Variants in PRTG observed in about 807,000 individuals in gnomAD.
The protein encoded by PRTG is immunoglobulin superfamily, DCC subclass, member 5.
Under a neutral mutation model 122.5 loss-of-function variants are expected in PRTG, and 67 were observed. That is an observed-to-expected ratio of 0.55 (90% CI 0.45 to 0.67). The LOEUF is 0.67. Among genes scored for constraint, PRTG ranks in the 30% least tolerant of loss-of-function variants. PRTG has a pLI of 0.00. For synonymous variants in PRTG, 554 were observed against 501.1 expected (o/e 1.11, Z -1.41); for missense variants, 1,435 against 1,415.4 (o/e 1.01, Z -0.22).
At chr15:55,642,769 C>A (rs1182209381) in intron 11 of PRTG, among the ~76,000 whole-genome samples, 1 of 152,058 alleles carries the variant, frequency 6.6e-6, no homozygotes, top group Admixed American at 6.6e-5. Flanking sequence ...AAAAATAATT[C>A]TAGAGTGAAT....
At position 55,707,296 on chromosome 15, in the gene PRTG, A is replaced by G. The variant is rs538480361; in HGVS notation, c.398-23365T>C. On this transcript the variant is annotated intron_variant, in intron 2 of 19. Coordinates refer to ENST00000389286, the MANE Select transcript of PRTG (RefSeq NM_173814.6). ...CAAACACCAAGAATGTACCTTCTAT[A>G]GGACAAAATCATGTCTAAACTATAT... Among the ~76,000 whole-genome samples, 38 of 152,364 alleles carry G rather than the reference A, an allele frequency of 2.5e-4. 1 individual carries two copies. In the South Asian group the frequency reaches 7.7e-3, roughly 31 times the overall value.
intron 2 of PRTG, among the ~76,000 whole-genome samples, chr15:55,692,231 T>G (rs2059607285): frequency 6.6e-6 from 1 of 152,182 alleles, no homozygotes; most frequent in East Asian, 1.9e-4. Context: ...ATGTTGACCA[T>G]CAAAAAGCCA....
At position 55,740,439 on chromosome 15, in the gene PRTG, A is replaced by G; in HGVS notation, c.340T>C (p.Leu114=). 6.2e-7 allele frequency: 1 copy of G among 1,614,222 alleles called. No individual in the cohort carries two copies. Among genetic ancestry groups the G allele is most frequent in the Non-Finnish European group, 8.5e-7 (1 of 1,180,040 alleles). Residue 114 remains leucine, a synonymous_variant, in exon 2 of 20, where the codon TTG becomes CTG. Coordinates refer to ENST00000389286, the MANE Select transcript of PRTG (RefSeq NM_173814.6). ...EQSDEGFYQC[L]AMNKYGAILS... Reference sequence around the variant, plus strand: ...ATGGCTCCATATTTGTTCATTGCCAAGCACTGATAAAATCCTTCATCGGAC... The same window carrying G: ...ATGGCTCCATATTTGTTCATTGCCAGGCACTGATAAAATCCTTCATCGGAC...
intron 2 of PRTG, among the ~76,000 whole-genome samples, chr15:55,725,633 A>ATGG (rs2031003207): frequency 6.6e-6 from 1 of 152,104 alleles, no homozygotes; most frequent in Non-Finnish European, 1.5e-5. Flanking sequence ...CAGAAAACAA[A>ATGG]CAGCAAAATG....
intron 2 of PRTG, 127 bp downstream of exon 2, chr15:55,740,245 CTCAGTTAGCA>C (rs2031564665): frequency 2.7e-6 from 2 of 738,956 alleles, no homozygotes; most frequent in Non-Finnish European, 2.1e-6. Context: ...CTCTATATGC[CTCAGTTAGCA>C]TCAACTATTA....
intron 11 of PRTG, among the ~76,000 whole-genome samples, chr15:55,647,275 G>A (rs187479648): frequency 8.5e-5 from 13 of 152,180 alleles, no homozygotes; most frequent in East Asian, 1.9e-4. Flanking sequence ...GTGAAACTCC[G>A]TCTCAAAATA....
At position 55,684,729 on chromosome 15, in the gene PRTG, C is replaced by A. The variant is rs1010913630; in HGVS notation, c.398-798G>T. Reference sequence around the variant, plus strand: ...TGGAATGGGGAGAGTCTAGCGATATCTTAAAGAAAACAAAGACTTGGTTCT... The same window carrying A: ...TGGAATGGGGAGAGTCTAGCGATATATTAAAGAAAACAAAGACTTGGTTCT... On this transcript the variant is annotated intron_variant, in intron 2 of 19. Coordinates refer to ENST00000389286, the MANE Select transcript of PRTG (RefSeq NM_173814.6). Among the ~76,000 whole-genome samples the A allele has an allele frequency of 5.9e-5, 9 of 152,006 alleles. 1 individual carries two copies. In the East Asian group the frequency reaches 1.7e-3, roughly 29 times the overall value.
intron 11 of PRTG, among the ~76,000 whole-genome samples, chr15:55,671,450 C>T (rs1377503385): frequency 2.0e-5 from 3 of 152,132 alleles, no homozygotes; most frequent in Non-Finnish European, 2.9e-5. Context: ...CATTTTATAC[C>T]TTGATGAGTT....
chr15:55,657,778 T>C lies in PRTG; in HGVS notation c.2041+14667A>G, dbSNP rs114891208. Among the ~76,000 whole-genome samples the C allele has an allele frequency of 7.5e-3, 1,138 of 152,330 alleles. 11 individuals are homozygous for C. Among genetic ancestry groups the C allele is most frequent in the African/African-American group, 0.026 (1,097 of 41,582 alleles). On this transcript the variant is annotated intron_variant, in intron 11 of 19. Coordinates refer to ENST00000389286, the MANE Select transcript of PRTG (RefSeq NM_173814.6). ...TGCAATAAAGAACATAATCCTAGTT[T>C]TATTGATTTTCCAGTCTTTATTTAT...
chr15:55,729,853 G>C (rs1421844516), intron 2 of PRTG, among the ~76,000 whole-genome samples: 1 of 152,102 alleles, frequency 6.6e-6, no homozygotes, highest in Non-Finnish European at 1.5e-5. Context: ...CATTTGGACA[G>C]ATGTATCAAC....
intron 11 of PRTG, among the ~76,000 whole-genome samples, chr15:55,669,765 C>T (rs1463948770): frequency 3.3e-5 from 5 of 152,178 alleles, no homozygotes; most frequent in Non-Finnish European, 5.9e-5. Context: ...TCCAGGGGTG[C>T]GGAACCTGCT....
At chr15:55,638,763 A>T (rs1265831356) in intron 13 of PRTG, 87 bp from the exon 14 acceptor site, 6 of 1,182,028 alleles carry the variant, frequency 5.1e-6, no homozygotes, top group Non-Finnish European at 7.1e-6. Flanking sequence ...AGGTAAGGGC[A>T]TAATGTTATT....
At chr15:55,653,997 T>C (rs749052265) in intron 11 of PRTG, among the ~76,000 whole-genome samples, 2 of 152,258 alleles carry the variant, frequency 1.3e-5, no homozygotes, top group Non-Finnish European at 2.9e-5. Flanking sequence ...AAGAAATATT[T>C]AGAGTTGAAG....
chr15:55,700,108 C>G (rs920929478), intron 2 of PRTG, among the ~76,000 whole-genome samples: 1 of 152,156 alleles, frequency 6.6e-6, no homozygotes, highest in Non-Finnish European at 1.5e-5. Flanking sequence ...CATATACTCT[C>G]TGTATATGTC....
intron 2 of PRTG, among the ~76,000 whole-genome samples, chr15:55,705,681 T>A (rs1319943843): frequency 1.3e-5 from 2 of 152,006 alleles, no homozygotes; most frequent in African/African-American, 2.4e-5. Flanking sequence ...CCTCAAGTGA[T>A]CCTCCCGCTT....
chr15:55,726,099 C>T (rs927962939), intron 2 of PRTG, among the ~76,000 whole-genome samples: 6 of 152,078 alleles, frequency 3.9e-5, no homozygotes, highest in African/African-American at 1.2e-4. Flanking sequence ...CGTGCCATGA[C>T]GCCCAGCTAA....
chr15:55,733,157 C>T (rs1469116149), intron 2 of PRTG, among the ~76,000 whole-genome samples: 1 of 151,976 alleles, frequency 6.6e-6, no homozygotes, highest in African/African-American at 2.4e-5. Context: ...TGCAGTGAGC[C>T]GAGATTGCGC....
intron 2 of PRTG, among the ~76,000 whole-genome samples, chr15:55,712,693 A>G (rs1363963020): frequency 6.6e-6 from 1 of 152,218 alleles, no homozygotes; most frequent in Non-Finnish European, 1.5e-5. Flanking sequence ...TATGCCCAGG[A>G]AAATGTTATT....
At chr15:55,666,144 C>G (rs772942969) in intron 11 of PRTG, among the ~76,000 whole-genome samples, 34 of 152,182 alleles carry the variant, frequency 2.2e-4, no homozygotes, top group Non-Finnish European at 4.6e-4. Flanking sequence ...GCTGGGAACT[C>G]CAGCATCACA....
Sources: gnomAD v4.1 joint callset for allele counts (sites outside exome capture counted in the v4.1 genomes callset) on GRCh38, gnomAD v4.1.1 for gene constraint, MANE v1.5 for transcripts, NCBI Gene and HGNC (gene_info 2026-07-23, HGNC 2026-07-21) for gene names.